Variants in PROKR1 observed in about 807,000 individuals in gnomAD.
PROKR1 encodes the protein prokineticin receptor 1, also known as G protein-coupled receptor 73.
In PROKR1, 21 loss-of-function variants were observed where a neutral mutation model predicts 22.8. The ratio of observed to expected loss-of-function variants is 0.92; its 90% confidence interval spans 0.65 to 1.32. PROKR1 has a LOEUF of 1.32. PROKR1 is among the 40% of genes most tolerant of loss of function. The pLI is 0.00. For synonymous variants in PROKR1, 193 were observed against 207.5 expected (o/e 0.93, Z 0.60); for missense variants, 548 against 514.2 (o/e 1.07, Z -0.64).
chr2:68,655,048 C>T lies in PROKR1; in HGVS notation c.654C>T (p.Gly218=). ...IVKSQEKIFC[G]QIWPVDQQLY... is the part of the protein sequence containing the mutation. ...AGAGCCAGGAAAAGATCTTCTGCGG[C>T]CAGATCTGGCCTGTGGACCAGCAGC... Residue 218 remains glycine (G), a synonymous_variant, in exon 3 of 3, where the codon GGC becomes GGT. Coordinates refer to ENST00000303786, the MANE Select transcript of PROKR1 (RefSeq NM_138964.4). 6.2e-7 allele frequency: 1 copy of T among 1,614,024 alleles called. No individual in the cohort carries two copies. The highest frequency in any genetic ancestry group is 1.1e-5 in the South Asian group (1 of 91,076).
chr2:68,654,404 A>G (rs1425612615), intron 2 of PROKR1, among the ~76,000 whole-genome samples: 8 of 152,200 alleles, frequency 5.3e-5, no homozygotes, highest in African/African-American at 1.9e-4. Context: ...TAAGGAAACT[A>G]AGGGTCAGAG....
At chr2:68,652,679 CT>C (rs34011183) in intron 2 of PROKR1, among the ~76,000 whole-genome samples, 58,783 of 151,978 alleles carry the variant, frequency 0.39, 12,976 homozygotes, top group African/African-American at 0.61. Flanking sequence ...TTTTAAAATG[CT>C]AGTAATTCCT....
chr2:68,652,444 A>C (rs1283830913), intron 2 of PROKR1, among the ~76,000 whole-genome samples: 2 of 152,222 alleles, frequency 1.3e-5, no homozygotes, highest in Non-Finnish European at 2.9e-5. Context: ...CCTCTTGCAC[A>C]GCTCATGGCA....
At chr2:68,647,469 C>T (rs1168984331) in intron 2 of PROKR1, among the ~76,000 whole-genome samples, 1 of 152,214 alleles carries the variant, frequency 6.6e-6, no homozygotes. Flanking sequence ...CTGAGGCATA[C>T]ATGCTCTCCC....
chr2:68,657,111 C>T lies in PROKR1; in HGVS notation c.*1535C>T, dbSNP rs1673486793. ...AACTGTGTAGCCCTGGGCAAAGCCT[C>T]TCCGAGGGGACAAAGGTAACACCTT... On this transcript the variant is annotated 3_prime_UTR_variant, in exon 3 of 3. Transcript: ENST00000303786. 1 of 152,192 alleles carries T rather than the reference C, an allele frequency of 6.6e-6. No homozygotes were observed. Among genetic ancestry groups the T allele is most frequent in the Admixed American group, 6.5e-5 (1 of 15,290 alleles). The allele number at this position is 152,192 out of a possible 1,614,324, so 9.4% of individuals were successfully genotyped here.
In PROKR1 at chr2:68,657,118, G is replaced by A. The variant is rs1325800207; in HGVS notation, c.*1542G>A. ...TAGCCCTGGGCAAAGCCTCTCCGAG[G>A]GGACAAAGGTAACACCTTTGTCCTT... On this transcript the variant is annotated 3_prime_UTR_variant, in exon 3 of 3. Transcript: ENST00000303786. 1 of 152,134 alleles carries A rather than the reference G, an allele frequency of 6.6e-6. No homozygotes were observed. Among genetic ancestry groups the A allele is most frequent in the Non-Finnish European group, 1.5e-5 (1 of 68,020 alleles). 9.4% of individuals were successfully genotyped at this position (152,134 alleles called of 1,614,324 possible).
At position 68,643,668 on chromosome 2, in the gene PROKR1, G is replaced by A. The variant is rs1558576743; in HGVS notation, c.-341G>A. On this transcript the variant is annotated 5_prime_UTR_variant, in exon 1 of 3. Coordinates refer to ENST00000303786, the MANE Select transcript of PROKR1 (RefSeq NM_138964.4). ...AGGGAGTCCGGCGCGGGCCGGGTCG[G>A]GGGATCTGCAGCGGCGGCGCGAAGG... The A allele has an allele frequency of 6.6e-6, 1 of 152,326 alleles. No homozygotes were observed. Among genetic ancestry groups the A allele is most frequent in the Non-Finnish European group, 1.5e-5 (1 of 68,108 alleles). 9.4% of individuals were successfully genotyped at this position (152,326 alleles called of 1,614,324 possible).
chr2:68,655,436 G>C lies in PROKR1; in HGVS notation c.1042G>C (p.Asp348His). 3 of 1,614,072 alleles carry C rather than the reference G, an allele frequency of 1.9e-6. No homozygotes were observed. Among genetic ancestry groups the C allele is most frequent in the Non-Finnish European group, 2.5e-6 (3 of 1,179,918 alleles). The stretch of plus-strand genomic sequence containing the variant: ...TCTGTGCTTCGTGACCGTCAAGAAC[G>C]ACACCGTCAAGTACTTCAAAAAGAT... ...NTLCFVTVKNDTVKYFKKIML... is the reference protein window; with the variant it reads ...NTLCFVTVKNHTVKYFKKIML... The change falls in exon 3 of 3, where the codon GAC becomes CAC. Residue 348 changes from aspartate to histidine, a missense_variant. Transcript: ENST00000303786.
chr2:68,647,097 G>GAA (rs34291844), intron 2 of PROKR1, among the ~76,000 whole-genome samples: 2 of 151,128 alleles, frequency 1.3e-5, no homozygotes, highest in Non-Finnish European at 1.5e-5. Flanking sequence ...GATTTGTTTT[G>GAA]AAAAAAAAGG....
intron 2 of PROKR1, among the ~76,000 whole-genome samples, chr2:68,647,174 G>T (rs1300281181): frequency 6.6e-6 from 1 of 152,242 alleles, no homozygotes; most frequent in Non-Finnish European, 1.5e-5. Context: ...CATTTGCACA[G>T]ATAGTGCAGA....
rs372346260 is a variant in PROKR1, at chr2:68,649,210, A to G, written c.485+2904A>G. 2.6e-4 allele frequency among the ~76,000 whole-genome samples: 39 copies of G among 152,264 alleles called. 1 individual carries two copies. Among genetic ancestry groups the G allele is most frequent in the African/African-American group, 9.1e-4 (38 of 41,538 alleles). The stretch of plus-strand genomic sequence containing the variant: ...ATCATCTACCTGCTTGTATTTGTCT[A>G]TATTATTGGTTCCATTGTTCTCCGA... On this transcript the variant is annotated intron_variant, in intron 2 of 2. Coordinates refer to ENST00000303786, the MANE Select transcript of PROKR1 (RefSeq NM_138964.4).
chr2:68,648,870 C>A (rs951810864), intron 2 of PROKR1, among the ~76,000 whole-genome samples: 7 of 152,112 alleles, frequency 4.6e-5, no homozygotes, highest in Non-Finnish European at 8.8e-5. Flanking sequence ...GTTATTTGAC[C>A]TCTCTCTGCC....
chr2:68,646,334 A>G, intron 2 of PROKR1, 28 bp downstream of exon 2: 4 of 1,613,638 alleles, frequency 2.5e-6, no homozygotes, highest in African/African-American at 1.3e-5. Context: ...GGGGACAACA[A>G]AGGCGGTCAG....
At chr2:68,650,335 T>C (rs1301185184) in intron 2 of PROKR1, among the ~76,000 whole-genome samples, 2 of 152,198 alleles carry the variant, frequency 1.3e-5, no homozygotes, top group Admixed American at 6.5e-5. Flanking sequence ...GTTAAACATA[T>C]TTATGTCCTG....
rs976639581 is a variant in PROKR1 at position 68,645,886 on chromosome 2, T to G, written c.65T>G (p.Val22Gly). Residue 22 changes from valine (V) to glycine (G), a missense_variant, in exon 2 of 3, where the codon GTG becomes GGG. By Grantham distance (109) the Val-to-Gly change is moderately radical (BLOSUM62 -3). Coordinates refer to ENST00000303786, the MANE Select transcript of PROKR1 (RefSeq NM_138964.4). ...ATNTSTSFLS[V>G]LNPHGAHATS... ...AACACTTCCACCAGCTTCCTTTCTG[T>G]GCTCAACCCTCATGGAGCCCATGCC... 13 of 1,614,076 alleles carry G rather than the reference T, an allele frequency of 8.1e-6. No homozygotes were observed. Among genetic ancestry groups the G allele is most frequent in the Non-Finnish European group, 1.1e-5 (13 of 1,180,032 alleles).
chr2:68,650,690 G>C (rs1370931779), intron 2 of PROKR1, among the ~76,000 whole-genome samples: 1 of 151,978 alleles, frequency 6.6e-6, no homozygotes, highest in African/African-American at 2.4e-5. Flanking sequence ...CTAGAGTTGG[G>C]GGTAGGGTGG....
chr2:68,650,765 A>G (rs1398566545), intron 2 of PROKR1, among the ~76,000 whole-genome samples: 1 of 152,234 alleles, frequency 6.6e-6, no homozygotes, highest in African/African-American at 2.4e-5. Context: ...TTTAAATAAC[A>G]TTTAGAGAAG....
Position 68,655,265 on chromosome 2 carries a change from A to AC in PROKR1, c.873dup (p.Ala292ArgfsTer78). On this transcript the variant is annotated frameshift_variant, in exon 3 of 3. Coordinates refer to ENST00000303786, the MANE Select transcript of PROKR1 (RefSeq NM_138964.4). LOFTEE classifies it high-confidence loss of function. ...GGTCCTGGTGCTCATGTGCATCCTCACCGCCTACGTGCTATGCTGGGCGCC... is the reference window on the plus strand; with the variant it reads ...GGTCCTGGTGCTCATGTGCATCCTCACCCGCCTACGTGCTATGCTGGGCGCC... The AC allele has an allele frequency of 6.2e-7, 1 of 1,614,170 alleles. No individual in the cohort carries two copies. Among genetic ancestry groups the AC allele is most frequent in the Non-Finnish European group, 8.5e-7 (1 of 1,180,030 alleles).
chr2:68,653,425 G>GAAAA (rs113052443), intron 2 of PROKR1, among the ~76,000 whole-genome samples: 3 of 148,466 alleles, frequency 2.0e-5, no homozygotes, highest in African/African-American at 7.4e-5. Context: ...ATACAGTCAG[G>GAAAA]AAAAAAAAAA....
Sources: allele counts gnomAD v4.1 joint callset (sites outside exome capture counted in the v4.1 genomes callset), GRCh38; gene constraint gnomAD v4.1.1; transcripts MANE v1.5; gene names NCBI Gene and HGNC (gene_info 2026-07-23, HGNC 2026-07-21).